The following APCDD1L variants were observed in gnomAD, a reference collection of about 807,000 sequenced individuals.
The protein encoded by APCDD1L is protein APCDD1-like.
A neutral mutation model predicts 24.2 loss-of-function variants in APCDD1L; 21 were observed. That is an observed-to-expected ratio of 0.87 (90% CI 0.61 to 1.25). The LOEUF (loss-of-function observed/expected upper bound fraction) is 1.25. Among genes scored for constraint, APCDD1L ranks in the 50% most tolerant of loss-of-function variants. The pLI, the probability that APCDD1L is intolerant of heterozygous loss-of-function variation, is 0.00. For missense variants in APCDD1L, 704 were observed against 711.7 expected, an observed-to-expected ratio of 0.99 and a Z score of 0.12; for synonymous variants, 321 against 323.6, an observed-to-expected ratio of 0.99 and a Z score of 0.09.
At chr20:58,483,434 C>T (rs941355892) in intron 1 of APCDD1L, among the ~76,000 whole-genome samples, 1 of 152,026 alleles carries the variant, frequency 6.6e-6, no homozygotes, top group African/African-American at 2.4e-5. Context: ...TTCCAGGGGT[C>T]CATGGTGGAC....
Position 58,467,204 on chromosome 20 carries a change from GCCGGGGCGACGC to G in APCDD1L, c.631_642del (p.Ala211_Arg214del). The G allele has an allele frequency of 6.2e-7, 1 of 1,604,426 alleles. No homozygotes were observed. Among genetic ancestry groups the G allele is most frequent in the Non-Finnish European group, 8.5e-7 (1 of 1,178,996 alleles). On this transcript the variant is annotated inframe_deletion, in exon 3 of 4. Coordinates refer to ENST00000371149, the MANE Select transcript of APCDD1L (RefSeq NM_153360.3). The surrounding 1 kb of genome is among the most constrained non-coding windows in gnomAD (Gnocchi z 5.9). Reference sequence around the variant, plus strand: ...TCCCCCAGGTACAGCTCCTCCACCAGCCGGGGCGACGCCCGGGGCTGCGGCTGCAGGCGGCGC... The same window carrying G: ...TCCCCCAGGTACAGCTCCTCCACCAGCCGGGGCTGCGGCTGCAGGCGGCGC...
intron 1 of APCDD1L, among the ~76,000 whole-genome samples, chr20:58,476,335 C>T (rs919959920): frequency 4.6e-5 from 7 of 152,164 alleles, no homozygotes; most frequent in South Asian, 2.1e-4. Context: ...GGACTACAGG[C>T]GCATGCCACC....
At chr20:58,491,197 A>G (rs1181377948) in intron 1 of APCDD1L, among the ~76,000 whole-genome samples, 2 of 152,248 alleles carry the variant, frequency 1.3e-5, no homozygotes, top group Non-Finnish European at 2.9e-5. Context: ...ATCAGGAATA[A>G]ATAAGACAAA....
chr20:58,499,667 C>T (rs930595287), intron 1 of APCDD1L, among the ~76,000 whole-genome samples: 24 of 152,214 alleles, frequency 1.6e-4, no homozygotes, highest in Admixed American at 2.6e-4. Flanking sequence ...CTCCTGGCCC[C>T]TACCTGCTCC....
chr20:58,482,562 G>A (rs868491675), intron 1 of APCDD1L, among the ~76,000 whole-genome samples: 6 of 152,108 alleles, frequency 3.9e-5, no homozygotes, highest in African/African-American at 1.2e-4. Flanking sequence ...CTCAGGAAGG[G>A]GACAAAGCGG....
At chr20:58,469,539 T>G (rs1420813017) in intron 2 of APCDD1L, among the ~76,000 whole-genome samples, 2 of 152,210 alleles carry the variant, frequency 1.3e-5, no homozygotes, top group African/African-American at 4.8e-5. Flanking sequence ...TCCAGAATGT[T>G]ACTGTCTTGG....
At chr20:58,501,705 T>C (rs1198090632) in intron 1 of APCDD1L, among the ~76,000 whole-genome samples, 1 of 152,188 alleles carries the variant, frequency 6.6e-6, no homozygotes, top group African/African-American at 2.4e-5. Context: ...GTCTCACCTC[T>C]CTCTAACCCT....
intron 1 of APCDD1L, among the ~76,000 whole-genome samples, chr20:58,496,210 C>A (rs1258066958): frequency 6.6e-6 from 1 of 152,190 alleles, no homozygotes; most frequent in Non-Finnish European, 1.5e-5. Context: ...GTGGGAGAGG[C>A]TGGGGAGGGA....
intron 3 of APCDD1L, among the ~76,000 whole-genome samples, chr20:58,462,139 C>T (rs1338245330): frequency 6.6e-6 from 1 of 152,194 alleles, no homozygotes; most frequent in Non-Finnish European, 1.5e-5. Flanking sequence ...GTCTTGGGAC[C>T]TGAGAGAACT....
At chr20:58,496,577 G>A (rs573466067) in intron 1 of APCDD1L, among the ~76,000 whole-genome samples, 170 of 152,340 alleles carry the variant, frequency 1.1e-3, no homozygotes, top group African/African-American at 3.7e-3. Flanking sequence ...CCTGAGCAAC[G>A]GCAGGTGCAA....
chr20:58,465,239 T>G (rs1989685018), intron 3 of APCDD1L, among the ~76,000 whole-genome samples: 1 of 152,174 alleles, frequency 6.6e-6, no homozygotes, highest in Non-Finnish European at 1.5e-5. Context: ...GGGAATAATT[T>G]TGAGGTCATA....
rs1473390666 is a variant in APCDD1L, at chr20:58,467,085, C to T, written c.741+21G>A. On this transcript the variant is annotated intron_variant, in intron 3 of 3. Coordinates refer to ENST00000371149, the MANE Select transcript of APCDD1L (RefSeq NM_153360.3). The surrounding 1 kb of genome is among the most constrained non-coding windows in gnomAD (Gnocchi z 5.9). ...CCGAGACCACCACCCCCCTCTCCCA[C>T]ACCCCAACACACACACTCACCAGTG... is the stretch of plus-strand genomic sequence containing the variant. The T allele has an allele frequency of 6.4e-7, 1 of 1,574,050 alleles. No individual in the cohort carries two copies. The highest frequency in any genetic ancestry group is 8.6e-7 in the Non-Finnish European group (1 of 1,163,688).
chr20:58,477,846 C>G (rs6015287), intron 1 of APCDD1L, among the ~76,000 whole-genome samples: 1 of 152,142 alleles, frequency 6.6e-6, no homozygotes, highest in Non-Finnish European at 1.5e-5. Flanking sequence ...TCTTGAACTC[C>G]TGAGCTCAAG....
In APCDD1L at chr20:58,514,854, C is replaced by A; in HGVS notation, c.-147G>T. ...TGCGAGGGTCCTGCGCCCCCCTCGG[C>A]GCTCACACGCGCTCAGCCTTCCCGG... On this transcript the variant is annotated 5_prime_UTR_variant, in exon 1 of 4. Coordinates refer to ENST00000371149, the MANE Select transcript of APCDD1L (RefSeq NM_153360.3). 2 of 492,178 alleles carry A rather than the reference C, an allele frequency of 4.1e-6. No homozygotes were observed. Among genetic ancestry groups the A allele is most frequent in the Non-Finnish European group, 6.4e-6 (2 of 310,502 alleles). The allele number at this position is 492,178 out of a possible 1,614,324, so 30.5% of individuals were successfully genotyped here. A position where few individuals can be genotyped will look rare whatever the true frequency, so the allele number is the denominator to read the frequency against.
In APCDD1L at chr20:58,469,761, C is replaced by T. The variant is rs773589285; in HGVS notation, c.188+848G>A. Among the ~76,000 whole-genome samples the T allele has an allele frequency of 5.7e-4, 86 of 152,152 alleles. 1 individual carries two copies. Among genetic ancestry groups the T allele is most frequent in the Admixed American group, 1.4e-3 (21 of 15,272 alleles). ...AAAGCGCTAGCAGATGTTTGGCAGT[C>T]GGGAGTTTCTGCCTGACCTCAGGAG... On this transcript the variant is annotated intron_variant, in intron 2 of 3. Transcript: ENST00000371149.
chr20:58,467,713 C>G lies in APCDD1L; in HGVS notation c.189-55G>C, dbSNP rs553778559. On this transcript the variant is annotated intron_variant, in intron 2 of 3. Transcript: ENST00000371149. This position sits in a 1 kb window ranked among gnomAD's most constrained non-coding sequence, Gnocchi z 5.9. Reference sequence around the variant, plus strand: ...GCAGAGGGAACACCGCGCCGCGAGCCCCTCTCCCCTCTGGGCTGGGCTCCT... The same window carrying G: ...GCAGAGGGAACACCGCGCCGCGAGCGCCTCTCCCCTCTGGGCTGGGCTCCT... The G allele has an allele frequency of 1.4e-6, 2 of 1,391,270 alleles. No homozygotes were observed. Among genetic ancestry groups the G allele is most frequent in the Admixed American group, 6.8e-5 (2 of 29,342 alleles). The allele number at this position is 1,391,270 out of a possible 1,614,324, so 86.2% of individuals were successfully genotyped here.
intron 3 of APCDD1L, among the ~76,000 whole-genome samples, chr20:58,466,111 G>C (rs896790882): frequency 2.7e-5 from 3 of 109,914 alleles, no homozygotes; most frequent in African/African-American, 1.1e-4. Context: ...CTTTCTGCCT[G>C]TTTGCTCATC....
In APCDD1L at chr20:58,484,572, A is replaced by G. The variant is rs144231723; in HGVS notation, c.50-13825T>C. ...CTATTATTTGAAATCTATTGTTTTA[A>G]CTTAATAATAGATTTAGCGATCTTT... On this transcript the variant is annotated intron_variant, in intron 1 of 3. Transcript: ENST00000371149. Among the ~76,000 whole-genome samples the G allele has an allele frequency of 2.4e-4, 36 of 152,290 alleles. 1 individual carries two copies. In the East Asian group the frequency reaches 6.7e-3, roughly 29 times the overall value.
rs759842659 is a variant in APCDD1L, at chr20:58,508,629, G to T, written c.49+6030C>A. ...AGCTGAGGAGGGCCTCTGCGGCAGG[G>T]CCCTTCAGTGCAGCTGTGACTGGGG... On this transcript the variant is annotated intron_variant, in intron 1 of 3. Transcript: ENST00000371149. This position sits in a 1 kb window ranked among gnomAD's most constrained non-coding sequence, Gnocchi z 4.0. Among the ~76,000 whole-genome samples, 1 of 152,182 alleles carries T rather than the reference G, an allele frequency of 6.6e-6. No homozygotes were observed. Among genetic ancestry groups the T allele is most frequent in the African/African-American group, 2.4e-5 (1 of 41,444 alleles).
Sources: allele counts gnomAD v4.1 joint callset (sites outside exome capture counted in the v4.1 genomes callset), GRCh38; gene constraint gnomAD v4.1.1; non-coding constraint Gnocchi (gnomAD v3.1); transcripts MANE v1.5; gene names NCBI Gene and HGNC (gene_info 2026-07-23, HGNC 2026-07-21).